The following ADAMTSL1 variants were observed in gnomAD, a reference collection of about 807,000 sequenced individuals.
ADAMTSL1 encodes ADAMTS-like protein 1.
Under a neutral mutation model 201.8 loss-of-function variants are expected in ADAMTSL1, and 126 were observed. That is an observed-to-expected ratio of 0.62 (90% CI 0.54 to 0.72). ADAMTSL1 has a LOEUF of 0.72. ADAMTSL1 is among the 30% of genes least tolerant of loss of function. The pLI is 0.00. For synonymous variants in ADAMTSL1, 1,121 were observed against 903.4 expected, an observed-to-expected ratio of 1.24 and a Z score of -4.32; for missense variants, 2,679 against 2,277.8, an observed-to-expected ratio of 1.18 and a Z score of -3.59.
intron 15 of ADAMTSL1, among the ~76,000 whole-genome samples, chr9:18,729,120 A>G (rs1818067173): frequency 6.6e-6 from 1 of 152,160 alleles, no homozygotes; most frequent in Non-Finnish European, 1.5e-5. Context: ...TGCTCCTATG[A>G]TCAACCCAGT....
At chr9:18,247,191 A>G (rs1189382971) in intron 2 of ADAMTSL1, among the ~76,000 whole-genome samples, 2 of 152,192 alleles carry the variant, frequency 1.3e-5, no homozygotes, top group Non-Finnish European at 2.9e-5. Flanking sequence ...ATAAAACACA[A>G]TATTATCCCA....
rs201796434 is a variant in ADAMTSL1 at position 18,533,270 on chromosome 9, G to A, written c.215G>A (p.Arg72Gln). The A allele has an allele frequency of 7.2e-5, 116 of 1,603,950 alleles. No individual in the cohort carries two copies. The highest frequency in any genetic ancestry group is 1.1e-4 in the South Asian group (10 of 89,432). ...AGGAGCTGTGAAGGAAGAAATATCCGATACAGAACATGCAGTAATGTGGTA... is the reference window on the plus strand; with the variant it reads ...AGGAGCTGTGAAGGAAGAAATATCCAATACAGAACATGCAGTAATGTGGTA... Reference protein sequence around the residue: ...SSKSCEGRNIRYRTCSNVDCP... With the variant: ...SSKSCEGRNIQYRTCSNVDCP... Residue 72 changes from arginine to glutamine, a missense_variant, in exon 3 of 29, where the codon CGA (arginine) becomes CAA (glutamine). Coordinates refer to ENST00000380548, the MANE Select transcript of ADAMTSL1 (RefSeq NM_001040272.6).
chr9:18,779,472 G>C (rs1273984734), intron 19 of ADAMTSL1, among the ~76,000 whole-genome samples: 1 of 152,174 alleles, frequency 6.6e-6, no homozygotes, highest in African/African-American at 2.4e-5. Flanking sequence ...GTAGGAACTA[G>C]TAGGTACTAC....
intron 2 of ADAMTSL1, among the ~76,000 whole-genome samples, chr9:18,190,664 G>A (rs1378790056): frequency 1.3e-5 from 2 of 152,132 alleles, no homozygotes; most frequent in African/African-American, 4.8e-5. Context: ...AATTATAACT[G>A]TTGTTTGAAA....
chr9:17,963,984 AT>A (rs1158675423), intron 1 of ADAMTSL1, among the ~76,000 whole-genome samples: 1 of 151,988 alleles, frequency 6.6e-6, no homozygotes, highest in African/African-American at 2.4e-5. Context: ...TCAAATTATT[AT>A]TTTTTTATTT....
chr9:18,590,675 A>G (rs1430488081), intron 4 of ADAMTSL1, among the ~76,000 whole-genome samples: 1 of 152,032 alleles, frequency 6.6e-6, no homozygotes, highest in African/African-American at 2.4e-5. Flanking sequence ...CCATCTTAGT[A>G]TCACTCTTCC....
intron 1 of ADAMTSL1, among the ~76,000 whole-genome samples, chr9:17,915,538 C>G (rs1471221876): frequency 6.6e-6 from 1 of 152,104 alleles, no homozygotes; most frequent in African/African-American, 2.4e-5. Flanking sequence ...ATGTACAAGT[C>G]TTTGTATGAA....
chr9:18,300,901 A>G (rs1833684675), intron 2 of ADAMTSL1, among the ~76,000 whole-genome samples: 1 of 152,224 alleles, frequency 6.6e-6, no homozygotes, highest in Admixed American at 6.5e-5. Flanking sequence ...GTAGAAAATT[A>G]TATTGAGACT....
chr9:18,628,458 AT>A (rs947720880), intron 5 of ADAMTSL1, among the ~76,000 whole-genome samples: 1 of 151,842 alleles, frequency 6.6e-6, no homozygotes, highest in African/African-American at 2.4e-5. Context: ...TCAATACTCC[AT>A]TTTTTTTATT....
intron 2 of ADAMTSL1, among the ~76,000 whole-genome samples, chr9:18,344,185 T>C (rs546899712): frequency 1.3e-5 from 2 of 152,332 alleles, no homozygotes; most frequent in African/African-American, 4.8e-5. Context: ...GAAGTTCTTT[T>C]GTTTAACTAA....
intron 2 of ADAMTSL1, among the ~76,000 whole-genome samples, chr9:18,374,297 G>C (rs1031754626): frequency 1.3e-5 from 2 of 151,526 alleles, no homozygotes; most frequent in South Asian, 2.1e-4. Context: ...TGCATTGACA[G>C]ATATTTTATT....
At chr9:18,843,685 A>T (rs1825883551) in intron 23 of ADAMTSL1, among the ~76,000 whole-genome samples, 1 of 150,914 alleles carries the variant, frequency 6.6e-6, no homozygotes, top group East Asian at 1.9e-4. Flanking sequence ...TCAGACGTAG[A>T]TGTGGTCTTT....
chr9:18,243,873 T>A (rs1831159080), intron 2 of ADAMTSL1, among the ~76,000 whole-genome samples: 1 of 150,476 alleles, frequency 6.6e-6, no homozygotes, highest in Admixed American at 6.6e-5. Context: ...GCTTCTCTGC[T>A]TGTACCAGTG....
intron 23 of ADAMTSL1, among the ~76,000 whole-genome samples, chr9:18,868,085 T>G (rs1029773980): frequency 6.6e-6 from 1 of 152,250 alleles, no homozygotes; most frequent in Non-Finnish European, 1.5e-5. Flanking sequence ...TTCACAGATC[T>G]TTTTCTATAA....
intron 20 of ADAMTSL1, among the ~76,000 whole-genome samples, chr9:18,796,211 G>C (rs994019535): frequency 6.6e-6 from 1 of 152,188 alleles, no homozygotes; most frequent in Non-Finnish European, 1.5e-5. Context: ...GAAACGGAAA[G>C]AGAACTTAGA....
intron 1 of ADAMTSL1, among the ~76,000 whole-genome samples, chr9:18,100,888 CTT>C (rs1233116183): frequency 1.3e-5 from 2 of 152,132 alleles, no homozygotes; most frequent in Non-Finnish European, 2.9e-5. Context: ...TGAAATTACT[CTT>C]TTATGAGTTT....
intron 13 of ADAMTSL1, among the ~76,000 whole-genome samples, chr9:18,699,866 C>G (rs1317415468): frequency 6.6e-6 from 1 of 152,172 alleles, no homozygotes; most frequent in Non-Finnish European, 1.5e-5. Context: ...TTTGAGAAAT[C>G]TATGAAAAGA....
chr9:17,940,126 C>T (rs980962451), intron 1 of ADAMTSL1, among the ~76,000 whole-genome samples: 2 of 152,070 alleles, frequency 1.3e-5, no homozygotes, highest in Admixed American at 6.6e-5. Flanking sequence ...AGACCAGATT[C>T]GTGACCACTC....
chr9:18,165,913 C>T (rs558311639), intron 2 of ADAMTSL1, among the ~76,000 whole-genome samples: 3 of 151,834 alleles, frequency 2.0e-5, no homozygotes, highest in Non-Finnish European at 4.4e-5. Flanking sequence ...AGTTGCTACT[C>T]GTATTAGTAA....
Sources: gnomAD v4.1 joint callset for allele counts (sites outside exome capture counted in the v4.1 genomes callset) on GRCh38, gnomAD v4.1.1 for gene constraint, MANE v1.5 for transcripts, NCBI Gene and HGNC (gene_info 2026-07-23, HGNC 2026-07-21) for gene names.